The following MRPL47 variants were observed in gnomAD, a reference collection of about 807,000 sequenced individuals.
The protein encoded by MRPL47 is mitochondrial ribosomal protein L47, also known as large ribosomal subunit protein uL29m.
In MRPL47, 31 loss-of-function variants were observed where a neutral mutation model predicts 34.0. That is an observed-to-expected ratio of 0.91 (90% CI 0.68 to 1.23). The LOEUF is 1.23. Among genes scored for constraint, MRPL47 ranks in the 50% most tolerant of loss-of-function variants. The pLI, the probability that MRPL47 is intolerant of heterozygous loss-of-function variation, is 0.00. For synonymous variants in MRPL47, 106 were observed against 101.6 expected (o/e 1.04, Z -0.26); for missense variants, 328 against 285.8 (o/e 1.15, Z -1.07).
intron 6 of MRPL47, among the ~76,000 whole-genome samples, chr3:179,589,276 T>G (rs1220719312): frequency 1.3e-5 from 2 of 152,124 alleles, no homozygotes; most frequent in Non-Finnish European, 2.9e-5. Context: ...AATCCTCATA[T>G]GACTAAGCAT....
chr3:179,589,589 A>G (rs1341998395), intron 6 of MRPL47, among the ~76,000 whole-genome samples: 1 of 152,208 alleles, frequency 6.6e-6, no homozygotes. Flanking sequence ...ATTTGAATTG[A>G]TATCTTACAG....
At chr3:179,597,745 T>C (rs1576868509) in intron 4 of MRPL47, among the ~76,000 whole-genome samples, 1 of 151,936 alleles carries the variant, frequency 6.6e-6, no homozygotes, top group Non-Finnish European at 1.5e-5. Flanking sequence ...GAGGTGGAGG[T>C]TGCAGCAAGC....
chr3:179,594,773 C>T (rs909058003), intron 4 of MRPL47, among the ~76,000 whole-genome samples: 11 of 151,928 alleles, frequency 7.2e-5, no homozygotes, highest in South Asian at 2.1e-4. Context: ...CATGAGCAAC[C>T]GCACCCGGCC....
chr3:179,604,455 T>A, intron 1 of MRPL47, 72 bp downstream of exon 1: 1 of 1,431,042 alleles, frequency 7.0e-7, no homozygotes, highest in South Asian at 1.2e-5. Flanking sequence ...GTTCTCGGCA[T>A]CTCGGCATCT....
Position 179,588,990 on chromosome 3 carries a change from T to A in MRPL47, c.635A>T (p.Glu212Val), listed in dbSNP as rs1173332560. Residue 212 changes from glutamate (E) to valine (V), a missense_variant, in exon 7 of 7, where the codon GAA (glutamate) becomes GTA (valine). By Grantham distance (121) the Glu-to-Val change is moderately radical. Coordinates refer to ENST00000476781, the MANE Select transcript of MRPL47 (RefSeq NM_020409.3). ...TTTGATGCGGGCTCGTTTCTCACGT[T>A]CCAGTCTAGAATAAAAAAAGCGTAA... ...LPYVDHFLRLEREKRARIKAR... is the reference protein window; with the variant it reads ...LPYVDHFLRLVREKRARIKAR... 1 of 1,606,826 alleles carries A rather than the reference T, an allele frequency of 6.2e-7. No individual in the cohort carries two copies. The highest frequency in any genetic ancestry group is 1.3e-5 in the African/African-American group (1 of 74,306).
At chr3:179,603,524 G>GTCA in intron 1 of MRPL47, among the ~76,000 whole-genome samples, 1 of 152,258 alleles carries the variant, frequency 6.6e-6, no homozygotes, top group Middle Eastern at 3.4e-3. Context: ...GGGCGACAGA[G>GTCA]TCAGTCCCTG....
rs1313241241 is a variant in MRPL47 at position 179,588,734 on chromosome 3, A to C, written c.*138T>G. 3.9e-6 allele frequency: 3 copies of C among 773,100 alleles called. No individual in the cohort carries two copies. The African/African-American group carries it at 5.2e-5, about 13-fold the overall frequency. The allele number at this position is 773,100 out of a possible 1,614,324, so 47.9% of individuals were successfully genotyped here. On this transcript the variant is annotated 3_prime_UTR_variant, in exon 7 of 7. Coordinates refer to ENST00000476781, the MANE Select transcript of MRPL47 (RefSeq NM_020409.3). ...TACCAAATTAGCTAATTAGCATGCCATATTCACACTTAGAACAACTGATTA... is the reference window on the plus strand; with the variant it reads ...TACCAAATTAGCTAATTAGCATGCCCTATTCACACTTAGAACAACTGATTA...
chr3:179,589,404 ATTC>A (rs1718614626), intron 6 of MRPL47, among the ~76,000 whole-genome samples: 1 of 152,188 alleles, frequency 6.6e-6, no homozygotes, highest in South Asian at 2.1e-4. Flanking sequence ...CCAAAAATAA[ATTC>A]TTAGGCTCTG....
intron 4 of MRPL47, among the ~76,000 whole-genome samples, chr3:179,598,025 C>G (rs1023864822): frequency 6.6e-6 from 1 of 152,132 alleles, no homozygotes; most frequent in Non-Finnish European, 1.5e-5. Context: ...CTTTAGAATA[C>G]AGTTTGGCGG....
intron 4 of MRPL47, among the ~76,000 whole-genome samples, chr3:179,594,913 A>T (rs903355927): frequency 6.6e-6 from 1 of 152,246 alleles, no homozygotes; most frequent in Non-Finnish European, 1.5e-5. Flanking sequence ...CACAACAGAT[A>T]TCAAATACTG....
chr3:179,593,555 G>C (rs990873701), intron 5 of MRPL47, among the ~76,000 whole-genome samples: 1 of 152,204 alleles, frequency 6.6e-6, no homozygotes, highest in Non-Finnish European at 1.5e-5. Flanking sequence ...ATAGGAATGG[G>C]ATGTCTGGGC....
chr3:179,602,597 G>GT, intron 2 of MRPL47, 55 bp downstream of exon 2: 2 of 694,638 alleles, frequency 2.9e-6, no homozygotes, highest in Non-Finnish European at 4.2e-6. Context: ...GTTGGGCGGG[G>GT]CGGGGGGGGG....
intron 3 of MRPL47, among the ~76,000 whole-genome samples, chr3:179,601,154 G>A (rs958727498): frequency 1.3e-5 from 2 of 152,216 alleles, no homozygotes; most frequent in Admixed American, 1.3e-4. Context: ...GCTCATGCCT[G>A]TAATCCCAGG....
At chr3:179,592,770 A>G (rs774118764) in intron 5 of MRPL47, 31 bp from the exon 6 acceptor site, 3 of 1,389,446 alleles carry the variant, frequency 2.2e-6, no homozygotes, top group East Asian at 4.6e-5. Context: ...TATTTGCCTT[A>G]AAGAAAACAT....
chr3:179,596,629 G>A (rs763986944), intron 4 of MRPL47, among the ~76,000 whole-genome samples: 2 of 152,148 alleles, frequency 1.3e-5, no homozygotes, highest in Non-Finnish European at 2.9e-5. Flanking sequence ...TCTTTATAAA[G>A]CATCCTTACT....
chr3:179,592,108 C>T (rs1400238047), intron 6 of MRPL47, among the ~76,000 whole-genome samples: 1 of 152,196 alleles, frequency 6.6e-6, no homozygotes, highest in East Asian at 1.9e-4. Flanking sequence ...GCTGGGATTA[C>T]AGGCATGAGC....
chr3:179,592,420 G>A (rs943462200), intron 6 of MRPL47, among the ~76,000 whole-genome samples: 5 of 150,662 alleles, frequency 3.3e-5, no homozygotes, highest in East Asian at 4.0e-4. Flanking sequence ...GGTCTCGATC[G>A]CCTGACCTCG....
At position 179,593,807 on chromosome 3, in the gene MRPL47, C is replaced by G; in HGVS notation, c.491G>C (p.Arg164Thr). The G allele has an allele frequency of 6.2e-7, 1 of 1,613,942 alleles. No individual in the cohort carries two copies. The highest frequency in any genetic ancestry group is 8.5e-7 in the Non-Finnish European group (1 of 1,179,904). The change falls in exon 5 of 7, where the codon AGA becomes ACA. Residue 164 changes from arginine (R) to threonine (T), a missense_variant. By Grantham distance (71) the Arg-to-Thr change is moderately conservative (BLOSUM62 -1). Coordinates refer to ENST00000476781, the MANE Select transcript of MRPL47 (RefSeq NM_020409.3). ...GATGTCTCTTCTCCAAGCACCAGGT[C>G]TAGCTCTTTCTTGACCAGTCTGAAG... ...RLLQTGQERARPGAWRRDIFG... is the reference protein window; with the variant it reads ...RLLQTGQERATPGAWRRDIFG...
intron 3 of MRPL47, among the ~76,000 whole-genome samples, chr3:179,600,883 G>A (rs1204136932): frequency 6.6e-6 from 1 of 152,118 alleles, no homozygotes; most frequent in Non-Finnish European, 1.5e-5. Flanking sequence ...TATTTTCTGT[G>A]TGAAACTTCC....
Sources: gnomAD v4.1 joint callset for allele counts (sites outside exome capture counted in the v4.1 genomes callset) on GRCh38, gnomAD v4.1.1 for gene constraint, MANE v1.5 for transcripts, NCBI Gene and HGNC (gene_info 2026-07-23, HGNC 2026-07-21) for gene names.